The following PNKP variants were observed in gnomAD, a reference collection of about 807,000 sequenced individuals.
PNKP encodes bifunctional polynucleotide phosphatase/kinase.
Under a neutral mutation model 66.2 loss-of-function variants are expected in PNKP, and 82 were observed. The ratio of observed to expected loss-of-function variants is 1.24; its 90% CI spans 1.04 to 1.49. The LOEUF is 1.49. PNKP is among the 40% of genes most tolerant of loss of function. The probability of loss-of-function intolerance (pLI) is 0.00; values close to 1 mark genes in which losing one functional copy is unlikely to be tolerated. For missense variants in PNKP, 907 were observed against 706.8 expected (o/e 1.28, Z -3.21); for synonymous variants, 412 against 298.9 (o/e 1.38, Z -3.90).
chr19:49,865,512 C>T, intron 3 of PNKP, 86 bp from the exon 4 acceptor site: 2 of 927,748 alleles, frequency 2.2e-6, no homozygotes, highest in Non-Finnish European at 3.4e-6. Context: ...AAAATCAGCC[C>T]TTCTCCACCA....
intron 8 of PNKP, 101 bp downstream of exon 8, chr19:49,863,588 G>C: frequency 1.2e-6 from 1 of 815,398 alleles, no homozygotes; most frequent in South Asian, 1.4e-5. Context: ...GAGCGAGAGA[G>C]GACAGAGGAG....
At chr19:49,863,829 G>T in intron 7 of PNKP, 69 bp from the exon 8 acceptor site, 2 of 1,454,734 alleles carry the variant, frequency 1.4e-6, no homozygotes, top group Non-Finnish European at 1.9e-6. Flanking sequence ...CCCCAGCCCA[G>T]AATTTGTAGC....
chr19:49,867,166 C>G lies in PNKP; in HGVS notation c.39G>C (p.Glu13Asp). 1.2e-6 allele frequency: 2 copies of G among 1,610,472 alleles called. No individual in the cohort carries two copies. Among genetic ancestry groups the G allele is most frequent in the South Asian group, 1.1e-5 (1 of 91,032 alleles). Reference sequence around the variant, plus strand: ...TGGGGGGCGCTCCCCCAGGGGGGCTCTCGAGCCACAAGCGGCCCGGGGCCT... The same window carrying G: ...TGGGGGGCGCTCCCCCAGGGGGGCTGTCGAGCCACAAGCGGCCCGGGGCCT... Reference protein sequence around the residue: ...EVEAPGRLWLESPPGGAPPIF... With the variant: ...EVEAPGRLWLDSPPGGAPPIF... Residue 13 changes from glutamate (E) to aspartate (D), a missense_variant, in exon 2 of 17, where the codon GAG (glutamate) becomes GAC (aspartate). Transcript: ENST00000322344.
chr19:49,862,918 T>G (rs2074789553), intron 8 of PNKP, 180 bp from the exon 9 acceptor site: 1 of 707,262 alleles, frequency 1.4e-6, no homozygotes, highest in South Asian at 1.5e-5. Flanking sequence ...CTCCGTGGTC[T>G]CTCCACACAG....
In PNKP at chr19:49,862,743, GGGAGA is replaced by G; in HGVS notation, c.817-10_817-6del. ...TATGGGCGTGCCGTCGTTGGCCTAC[GGGAGA>G]CGGTAGTGAGGAGGCCCTTCCCACA... On this transcript the variant is annotated splice_polypyrimidine_tract_variant and splice_region_variant and intron_variant, in intron 8 of 16. Coordinates refer to ENST00000322344, the MANE Select transcript of PNKP (RefSeq NM_007254.4). 6.2e-7 allele frequency: 1 copy of G among 1,613,988 alleles called. No homozygotes were observed. The highest frequency in any genetic ancestry group is 8.5e-7 in the Non-Finnish European group (1 of 1,179,926).
rs758836805 is a variant in PNKP, at chr19:49,861,807, G to A, written c.1263C>T (p.Ile421=). ...TCGCGGCGTCTGGGTTTGTGTTGTCGATGGCGACCCGTTTCCCTTGCTTCA... is the reference window on the plus strand; with the variant it reads ...TCGCGGCGTCTGGGTTTGTGTTGTCAATGGCGACCCGTTTCCCTTGCTTCA... The part of the protein sequence containing the change: ...TALKQGKRVA[I]DNTNPDAASR... The change falls in exon 14 of 17, where the codon ATC becomes ATT. Residue 421 remains isoleucine, a synonymous_variant. Transcript: ENST00000322344. 1.3e-6 allele frequency: 2 copies of A among 1,579,662 alleles called. No homozygotes were observed. Among genetic ancestry groups the A allele is most frequent in the Non-Finnish European group, 1.7e-6 (2 of 1,166,544 alleles).
chr19:49,861,920 A>G (rs2122322550), intron 13 of PNKP, 39 bp from the exon 14 acceptor site: 4 of 1,581,470 alleles, frequency 2.5e-6, no homozygotes, highest in Non-Finnish European at 3.4e-6. Context: ...CGGCAGACCC[A>G]GGGGGAGAGA....
chr19:49,862,016 A>G, intron 13 of PNKP, 28 bp downstream of exon 13: 1 of 1,612,886 alleles, frequency 6.2e-7, no homozygotes, highest in Non-Finnish European at 8.5e-7. Flanking sequence ...TTTATAATAG[A>G]TTTGGGGCGG....
chr19:49,864,958 A>G (rs1333358654), intron 4 of PNKP, among the ~76,000 whole-genome samples, 169 bp downstream of exon 4: 1 of 152,214 alleles, frequency 6.6e-6, no homozygotes, highest in Non-Finnish European at 1.5e-5. Context: ...GCAGGAGCTG[A>G]CATATATCAT....
chr19:49,867,504 C>T lies in PNKP; in HGVS notation c.-49G>A. 1 of 448,556 alleles carries T rather than the reference C, an allele frequency of 2.2e-6. No homozygotes were observed. Among genetic ancestry groups the T allele is most frequent in the South Asian group, 2.6e-5 (1 of 39,086 alleles). 27.8% of individuals were successfully genotyped at this position (448,556 alleles called of 1,614,324 possible). A position where few individuals can be genotyped will look rare whatever the true frequency, so the allele number is the denominator to read the frequency against. On this transcript the variant is annotated 5_prime_UTR_variant, in exon 1 of 17. Transcript: ENST00000322344. ...GGCTTGGGCTCACGGCCACTTCCGA[C>T]CAGGGAGGTCCTGCCCGAGGTGCCC...
At chr19:49,864,733 G>A (rs2074805516) in intron 4 of PNKP, among the ~76,000 whole-genome samples, 1 of 152,180 alleles carries the variant, frequency 6.6e-6, no homozygotes, top group Non-Finnish European at 1.5e-5. Context: ...ATAAAAGCAG[G>A]AGCAAAGCTT....
chr19:49,862,339 TCCCC>T, intron 11 of PNKP, 28 bp downstream of exon 11: 3 of 954,084 alleles, frequency 3.1e-6, no homozygotes, highest in Non-Finnish European at 4.7e-6. Context: ...AGCCCTCCCA[TCCCC>T]ACCCCCACCC....
At position 49,861,487 on chromosome 19, in the gene PNKP, A is replaced by T. The variant is rs1568658226; in HGVS notation, c.1410T>A (p.Ser470=). 2 of 1,583,374 alleles carry T rather than the reference A, an allele frequency of 1.3e-6. No individual in the cohort carries two copies. Among genetic ancestry groups the T allele is most frequent in the Non-Finnish European group, 1.7e-6 (2 of 1,161,196 alleles). Residue 470 remains serine (S), a synonymous_variant, in exon 16 of 17, where the codon TCT becomes TCA. Coordinates refer to ENST00000322344, the MANE Select transcript of PNKP (RefSeq NM_007254.4). ...NNRFREMTDS[S]HIPVSDMVMY... The stretch of plus-strand genomic sequence containing the variant: ...TGACCATGTCTGACACGGGGATATG[A>T]GAGGAGTCCGTCATCTCTCGAAACT...
At chr19:49,861,718 TGCAGGCCCCGCCCACCCCGCC>T in intron 14 of PNKP, 23 bp from the exon 15 acceptor site, 1 of 1,548,694 alleles carries the variant, frequency 6.5e-7, no homozygotes, top group Non-Finnish European at 8.7e-7. Context: ...GAGCTGGATG[TGCAGGCCCCGCCCACCCCGCC>T]GCAGGCCACC....
rs771752320 is a variant in PNKP at position 49,863,997 on chromosome 19, C to T, written c.711G>A (p.Glu237=). ...LPAEEFKAKV[E]AVVEKLGVPF... is the part of the protein sequence containing the mutation. ...GGACCCCCAGCTTCTCCACCACAGC[C>T]TCCACCTTGGCCTTGAACTCCTCGG... The change falls in exon 7 of 17, where the codon GAG becomes GAA. Residue 237 remains glutamate, a synonymous_variant. Coordinates refer to ENST00000322344, the MANE Select transcript of PNKP (RefSeq NM_007254.4). 6.2e-7 allele frequency: 1 copy of T among 1,614,120 alleles called. No homozygotes were observed. The highest frequency in any genetic ancestry group is 1.7e-5 in the Admixed American group (1 of 60,034).
intron 2 of PNKP, 106 bp downstream of exon 2, chr19:49,866,948 C>G: frequency 9.0e-7 from 1 of 1,107,652 alleles, no homozygotes; most frequent in Non-Finnish European, 1.4e-6. Context: ...CTTCCGACTT[C>G]GGGGCTGGCT....
At position 49,866,465 on chromosome 19, in the gene PNKP, A is replaced by G. The variant is rs777266489; in HGVS notation, c.152-20T>C. ...GCTCCACTGAGGATTGGAGGGGTGG[A>G]GTCAGGATTTGCATCCTTGTGTGAT... On this transcript the variant is annotated intron_variant, in intron 2 of 16. Transcript: ENST00000322344. The G allele has an allele frequency of 2.5e-6, 4 of 1,613,676 alleles. No homozygotes were observed. Among genetic ancestry groups the G allele is most frequent in the Non-Finnish European group, 3.4e-6 (4 of 1,179,682 alleles).
In PNKP at chr19:49,861,373, T is replaced by C. The variant is rs371512234; in HGVS notation, c.1449-8A>G. 3 of 1,613,836 alleles carry C rather than the reference T, an allele frequency of 1.9e-6. No individual in the cohort carries two copies. Among genetic ancestry groups the C allele is most frequent in the Middle Eastern group, 1.6e-4 (1 of 6,084 alleles). ...GGGGCCTCGAACTGCTTCCTGGCAG[T>C]GGTGGGAACAGTGAGGGACAGCCTG... On this transcript the variant is annotated splice_region_variant and splice_polypyrimidine_tract_variant and intron_variant, in intron 16 of 16. Transcript: ENST00000322344.
chr19:49,861,206 A>G lies in PNKP; in HGVS notation c.*42T>C. ...TTCCAGCAAAATGCCGGCCAAGCTC[A>G]AGGAGAAACAGCGTTTATTGTGGAG... On this transcript the variant is annotated 3_prime_UTR_variant, in exon 17 of 17. Transcript: ENST00000322344. 1 of 1,380,278 alleles carries G rather than the reference A, an allele frequency of 7.2e-7. No individual in the cohort carries two copies. Among genetic ancestry groups the G allele is most frequent in the Non-Finnish European group, 1.0e-6 (1 of 967,998 alleles). 85.5% of individuals were successfully genotyped at this position (1,380,278 alleles called of 1,614,324 possible).
Sources: gnomAD v4.1 joint callset for allele counts (sites outside exome capture counted in the v4.1 genomes callset) on GRCh38, gnomAD v4.1.1 for gene constraint, MANE v1.5 for transcripts, NCBI Gene and HGNC (gene_info 2026-07-23, HGNC 2026-07-21) for gene names.